Variants in IQGAP1 observed in about 807,000 individuals in gnomAD.
IQGAP1 encodes IQ motif containing GTPase activating protein 1, also known as ras GTPase-activating-like protein IQGAP1.
A neutral mutation model predicts 215.6 loss-of-function variants in IQGAP1; 66 were observed. The observed-to-expected ratio is 0.31, with a 90% CI of 0.25 to 0.38. IQGAP1 has a LOEUF of 0.38. Among genes scored for constraint, IQGAP1 ranks in the 10% least tolerant of loss-of-function variants. The pLI, the probability that IQGAP1 is intolerant of heterozygous loss-of-function variation, is 1.00. For synonymous variants in IQGAP1, 772 were observed against 728.7 expected (o/e 1.06, Z -0.96); for missense variants, 1,712 against 1,997.1 (o/e 0.86, Z 2.72).
At chr15:90,479,364 T>A (rs1217436934) in intron 26 of IQGAP1, among the ~76,000 whole-genome samples, 2 of 152,186 alleles carry the variant, frequency 1.3e-5, no homozygotes, top group Non-Finnish European at 2.9e-5. Context: ...TTCTTCATTC[T>A]ACTTTCCATG....
chr15:90,427,384 T>C (rs191594602), intron 3 of IQGAP1, among the ~76,000 whole-genome samples: 34 of 152,220 alleles, frequency 2.2e-4, no homozygotes, highest in Non-Finnish European at 4.4e-4. Flanking sequence ...TTGAGATAAG[T>C]GAGAGGGTTT....
intron 28 of IQGAP1, 186 bp from the exon 29 acceptor site, chr15:90,483,175 A>C: frequency 1.8e-6 from 1 of 558,326 alleles, no homozygotes; most frequent in Non-Finnish European, 3.2e-6. Flanking sequence ...ACAAAGGGAT[A>C]TTTCATTTAG....
chr15:90,399,899 T>C (rs188102248), intron 2 of IQGAP1, among the ~76,000 whole-genome samples: 12 of 152,324 alleles, frequency 7.9e-5, no homozygotes, highest in Admixed American at 5.9e-4. Flanking sequence ...TTTTAAATTA[T>C]GGTGAACCAT....
chr15:90,451,719 G>C (rs2151023412), intron 11 of IQGAP1, among the ~76,000 whole-genome samples: 1 of 151,652 alleles, frequency 6.6e-6, no homozygotes, highest in East Asian at 1.9e-4. Context: ...CCATAGCACT[G>C]TCTTTTCCCT....
intron 3 of IQGAP1, among the ~76,000 whole-genome samples, chr15:90,426,927 C>G (rs1231525242): frequency 1.4e-5 from 2 of 144,242 alleles, no homozygotes; most frequent in Non-Finnish European, 3.0e-5. Flanking sequence ...CACTCCAGCC[C>G]TGGGTGTCAG....
At chr15:90,499,015 G>T (rs1312184743) in intron 37 of IQGAP1, among the ~76,000 whole-genome samples, 2 of 152,052 alleles carry the variant, frequency 1.3e-5, no homozygotes, top group African/African-American at 4.8e-5. Flanking sequence ...ACAGGGTTTC[G>T]CCATGTTGGC....
chr15:90,452,694 T>C, intron 11 of IQGAP1, 81 bp from the exon 12 acceptor site: 1 of 1,464,990 alleles, frequency 6.8e-7, no homozygotes, highest in Non-Finnish European at 9.3e-7. Context: ...GAATGTGATA[T>C]TTTTCCCATG....
intron 2 of IQGAP1, among the ~76,000 whole-genome samples, chr15:90,419,597 TA>T (rs1965104796): frequency 6.6e-6 from 1 of 152,120 alleles, no homozygotes; most frequent in Non-Finnish European, 1.5e-5. Context: ...GTGAAAAACA[TA>T]AAAAATATAA....
At chr15:90,416,144 A>G (rs1965043859) in intron 2 of IQGAP1, among the ~76,000 whole-genome samples, 1 of 152,058 alleles carries the variant, frequency 6.6e-6, no homozygotes, top group African/African-American at 2.4e-5. Flanking sequence ...TACATTAGGT[A>G]TGTCTCCTAA....
At chr15:90,491,246 A>G (rs943571145) in intron 33 of IQGAP1, 87 bp from the exon 34 acceptor site, 9 of 1,115,210 alleles carry the variant, frequency 8.1e-6, no homozygotes, top group African/African-American at 7.8e-5. Context: ...TAAGAACTGT[A>G]TAAGTTCAGG....
intron 2 of IQGAP1, among the ~76,000 whole-genome samples, chr15:90,411,847 T>C (rs2151007643): frequency 6.6e-6 from 1 of 152,332 alleles, no homozygotes; most frequent in South Asian, 2.1e-4. Context: ...TTCACCAGAC[T>C]CTGGATCTGA....
intron 2 of IQGAP1, among the ~76,000 whole-genome samples, chr15:90,413,549 T>C (rs965432210): frequency 1.8e-4 from 28 of 152,216 alleles, no homozygotes; most frequent in African/African-American, 6.5e-4. Context: ...TTAGACGTAA[T>C]GTCAGCAAGG....
chr15:90,422,660 G>GTATA (rs371022759), intron 2 of IQGAP1, among the ~76,000 whole-genome samples: 19 of 85,676 alleles, frequency 2.2e-4, no homozygotes, highest in Non-Finnish European at 3.2e-4. Context: ...ATATATATAT[G>GTATA]TATATATATA....
intron 15 of IQGAP1, among the ~76,000 whole-genome samples, chr15:90,461,545 A>G (rs1301945875): frequency 6.6e-6 from 1 of 152,226 alleles, no homozygotes; most frequent in East Asian, 1.9e-4. Flanking sequence ...AATTAAGAAT[A>G]TGAATGACTT....
At chr15:90,456,922 GTGTA>G (rs200515996) in intron 15 of IQGAP1, among the ~76,000 whole-genome samples, 2,518 of 136,326 alleles carry the variant, frequency 0.018, 59 homozygotes, top group East Asian at 0.11. Context: ...GTGTGTGTGT[GTGTA>G]TATATATATA....
chr15:90,431,353 T>G (rs1346365244), intron 4 of IQGAP1: 1 of 152,148 alleles, frequency 6.6e-6, no homozygotes. Flanking sequence ...CCTTTCCCTG[T>G]TTTTTAATAT....
At chr15:90,414,802 A>G (rs2151008938) in intron 2 of IQGAP1, among the ~76,000 whole-genome samples, 1 of 152,170 alleles carries the variant, frequency 6.6e-6, no homozygotes, top group East Asian at 1.9e-4. Flanking sequence ...AACTGCCTAC[A>G]AGATGCCACT....
chr15:90,391,051 C>G (rs1319331926), intron 2 of IQGAP1, 178 bp downstream of exon 2: 1 of 518,980 alleles, frequency 1.9e-6, no homozygotes, highest in East Asian at 3.4e-5. Flanking sequence ...GATTGGGCAA[C>G]ATAGTGACAC....
intron 30 of IQGAP1, 97 bp from the exon 31 acceptor site, chr15:90,485,933 G>A (rs1174720082): frequency 6.9e-6 from 6 of 869,706 alleles, no homozygotes; most frequent in Non-Finnish European, 7.2e-6. Context: ...TAGGAACTTT[G>A]TTGGAACCTC....
Sources: allele counts gnomAD v4.1 joint callset (sites outside exome capture counted in the v4.1 genomes callset), GRCh38; gene constraint gnomAD v4.1.1; transcripts MANE v1.5; gene names NCBI Gene and HGNC (gene_info 2026-07-23, HGNC 2026-07-21).